ABCG8: variants seen among roughly 807,000 people sequenced by gnomAD.
ABCG8 encodes ATP binding cassette subfamily G member 8.
Under a neutral mutation model 71.3 loss-of-function variants are expected in ABCG8, and 81 were observed. The observed-to-expected ratio is 1.14, with a 90% confidence interval of 0.95 to 1.37. ABCG8 has a LOEUF of 1.37. Among genes scored for constraint, ABCG8 ranks in the 40% most tolerant of loss-of-function variants. The probability of loss-of-function intolerance (pLI) is 0.00; values close to 1 mark genes in which losing one functional copy is unlikely to be tolerated. For synonymous variants in ABCG8, 451 were observed against 354.7 expected (o/e 1.27, Z -3.05); for missense variants, 1,119 against 866.2 (o/e 1.29, Z -3.66).
At chr2:43,851,443 ACTATG>A in intron 3 of ABCG8, 136 bp from the exon 4 acceptor site, 4 of 926,952 alleles carry the variant, frequency 4.3e-6, no homozygotes. Context: ...AGGTCCAGGG[ACTATG>A]CCACCTCTCT....
chr2:43,852,179 C>T (rs1668941185), intron 4 of ABCG8, among the ~76,000 whole-genome samples, 175 bp from the exon 5 acceptor site: 1 of 152,220 alleles, frequency 6.6e-6, no homozygotes. Context: ...CCCCTCGGGA[C>T]CTGTGGAAAG....
At position 43,877,542 on chromosome 2, in the gene ABCG8, C is replaced by A. The variant is rs1366027850; in HGVS notation, c.1757-19C>A. ...GAATATGAGGGACACCTGTGAGTAA[C>A]GCGGCTGTCTGTCTCCAGTGCCCGC... On this transcript the variant is annotated intron_variant, in intron 11 of 12. Coordinates refer to ENST00000272286, the MANE Select transcript of ABCG8 (RefSeq NM_022437.3). 6.2e-7 allele frequency: 1 copy of A among 1,613,268 alleles called. No homozygotes were observed. The highest frequency in any genetic ancestry group is 8.5e-7 in the Non-Finnish European group (1 of 1,179,972).
At chr2:43,868,301 C>T (rs1179279139) in intron 6 of ABCG8, among the ~76,000 whole-genome samples, 1 of 151,872 alleles carries the variant, frequency 6.6e-6, no homozygotes, top group African/African-American at 2.4e-5. Context: ...ATAGAATTCT[C>T]ACCATCTGGA....
In ABCG8 at chr2:43,851,723, C is replaced by A. The variant is rs1325379182; in HGVS notation, c.462C>A (p.His154Gln). ...AGTGTGTGGCCCACGTGCGCCAGCA[C>A]AACCAGCTGCTCCCCAACTTGACTG... ...VRKCVAHVRQ[H>Q]NQLLPNLTVR... Residue 154 changes from histidine (H) to glutamine (Q), a missense_variant, in exon 4 of 13, where the codon CAC becomes CAA. By Grantham distance (24) the His-to-Gln change is conservative. Transcript: ENST00000272286. The A allele has an allele frequency of 9.3e-6, 15 of 1,614,142 alleles. No individual in the cohort carries two copies. The highest frequency in any genetic ancestry group is 1.3e-5 in the African/African-American group (1 of 74,946).
In ABCG8 at chr2:43,865,334, A is replaced by G. The variant is rs371889260; in HGVS notation, c.965-6642A>G. 2.7e-5 allele frequency among the ~76,000 whole-genome samples: 4 copies of G among 148,224 alleles called. No individual in the cohort carries two copies. The East Asian group carries it at 5.8e-4, about 21-fold the overall frequency. ...TAGAACTGTCACTATCTATCTGGAT[A>G]GAATTCTCACCCTCTGGATAGAACT... On this transcript the variant is annotated intron_variant, in intron 6 of 12. Coordinates refer to ENST00000272286, the MANE Select transcript of ABCG8 (RefSeq NM_022437.3).
rs959784506 is a variant in ABCG8 at position 43,882,188 on chromosome 2, T to C, written c.*4275T>C. 1 of 152,244 alleles carries C rather than the reference T, an allele frequency of 6.6e-6. No homozygotes were observed. The highest frequency in any genetic ancestry group is 1.5e-5 in the Non-Finnish European group (1 of 68,032). The allele number at this position is 152,244 out of a possible 1,614,324, so 9.4% of individuals were successfully genotyped here. On this transcript the variant is annotated 3_prime_UTR_variant, in exon 13 of 13. Coordinates refer to ENST00000272286, the MANE Select transcript of ABCG8 (RefSeq NM_022437.3). Reference sequence around the variant, plus strand: ...TCTGCTCTTGTTCCTATAAATAGTATATAAGATGTAATCTTGCCCTGGGTT... The same window carrying C: ...TCTGCTCTTGTTCCTATAAATAGTACATAAGATGTAATCTTGCCCTGGGTT...
intron 3 of ABCG8, 96 bp downstream of exon 3, chr2:43,846,407 A>T: frequency 6.5e-7 from 1 of 1,544,336 alleles, no homozygotes; most frequent in Non-Finnish European, 8.9e-7. Context: ...CTCTTTGCTG[A>T]CTAGTAGAAT....
At position 43,852,814 on chromosome 2, in the gene ABCG8, T is replaced by A. The variant is rs1668974592; in HGVS notation, c.910T>A (p.Phe304Ile). 6.2e-7 allele frequency: 1 copy of A among 1,614,112 alleles called. No individual in the cohort carries two copies. Among genetic ancestry groups the A allele is most frequent in the Non-Finnish European group, 8.5e-7 (1 of 1,180,022 alleles). The change falls in exon 6 of 13, where the codon TTC becomes ATC. Residue 304 changes from phenylalanine to isoleucine, a missense_variant. Coordinates refer to ENST00000272286, the MANE Select transcript of ABCG8 (RefSeq NM_022437.3). ...GGCGGCCCAGCACATGGTCCAGTATTTCACAGCCATCGGCTACCCCTGTCC... is the reference window on the plus strand; with the variant it reads ...GGCGGCCCAGCACATGGTCCAGTATATCACAGCCATCGGCTACCCCTGTCC... ...LGAAQHMVQY[F>I]TAIGYPCPRY...
chr2:43,846,542 C>T, intron 3 of ABCG8: 1 of 560,304 alleles, frequency 1.8e-6, no homozygotes. Flanking sequence ...CGCCTCTTGT[C>T]CACCCGAGGC....
intron 3 of ABCG8, among the ~76,000 whole-genome samples, chr2:43,849,254 T>G (rs1456796519): frequency 6.6e-6 from 1 of 150,646 alleles, no homozygotes; most frequent in Non-Finnish European, 1.5e-5. Flanking sequence ...TGAGACTGGG[T>G]AACTTATAAA....
In ABCG8 at chr2:43,851,574, G is replaced by A. The variant is rs537972938; in HGVS notation, c.323-10G>A. On this transcript the variant is annotated splice_polypyrimidine_tract_variant and intron_variant, in intron 3 of 12. Transcript: ENST00000272286. ...CTCCGCTCTCAGGGATATCCCTGGT[G>A]GCTTTGCAGGTTGTGGGAGAGCCTC... is the stretch of plus-strand genomic sequence containing the variant. The A allele has an allele frequency of 5.0e-6, 8 of 1,614,182 alleles. No individual in the cohort carries two copies. The African/African-American group carries it at 6.7e-5, about 13-fold the overall frequency.
chr2:43,869,972 T>G (rs1340840234), intron 6 of ABCG8, among the ~76,000 whole-genome samples: 1 of 152,106 alleles, frequency 6.6e-6, no homozygotes, highest in Non-Finnish European at 1.5e-5. Context: ...TCTCACTCTG[T>G]GGATAGAACT....
At chr2:43,857,097 G>C (rs955950139) in intron 6 of ABCG8, among the ~76,000 whole-genome samples, 1 of 150,670 alleles carries the variant, frequency 6.6e-6, no homozygotes. Flanking sequence ...CTATCTGTCT[G>C]GTTAGAATTT....
intron 9 of ABCG8, 96 bp from the exon 10 acceptor site, chr2:43,874,311 T>G: frequency 9.1e-7 from 1 of 1,095,288 alleles, no homozygotes; most frequent in Non-Finnish European, 1.4e-6. Flanking sequence ...GGCAATATGA[T>G]AACTACTTTG....
intron 1 of ABCG8, among the ~76,000 whole-genome samples, chr2:43,839,399 T>TTCTC (rs1324993827): frequency 1.5e-5 from 2 of 137,034 alleles, no homozygotes; most frequent in African/African-American, 2.7e-5. Flanking sequence ...TTTTCTTTTC[T>TTCTC]TCTCTTTTTT....
Position 43,844,682 on chromosome 2 carries a change from A to G in ABCG8, c.165+74A>G. On this transcript the variant is annotated intron_variant, in intron 2 of 12. Transcript: ENST00000272286. Reference sequence around the variant, plus strand: ...AGGAAATTCCCCGGGTGGAAATAAAAGGGTGGGCCCAACTTGCAGGCCCTC... The same window carrying G: ...AGGAAATTCCCCGGGTGGAAATAAAGGGGTGGGCCCAACTTGCAGGCCCTC... 1.1e-5 allele frequency: 14 copies of G among 1,236,998 alleles called. No homozygotes were observed. In the South Asian group the frequency reaches 1.6e-4, roughly 14 times the overall value. 76.6% of individuals were successfully genotyped at this position (1,236,998 alleles called of 1,614,324 possible). A position where few individuals can be genotyped will look rare whatever the true frequency, so the allele number is the denominator to read the frequency against.
intron 6 of ABCG8, among the ~76,000 whole-genome samples, chr2:43,864,016 C>T (rs866404780): frequency 6.6e-6 from 1 of 151,352 alleles, no homozygotes; most frequent in African/African-American, 2.4e-5. Flanking sequence ...GTAGAACTCT[C>T]ACTATCTGGA....
chr2:43,868,842 A>T (rs1669639034), intron 6 of ABCG8, among the ~76,000 whole-genome samples: 1 of 151,144 alleles, frequency 6.6e-6, no homozygotes, highest in African/African-American at 2.4e-5. Context: ...CTCACTCTAG[A>T]TAGAACTCTC....
At chr2:43,874,910 G>A (rs965149246) in intron 10 of ABCG8, among the ~76,000 whole-genome samples, 13 of 152,078 alleles carry the variant, frequency 8.5e-5, no homozygotes, top group Admixed American at 6.5e-5. Flanking sequence ...GACAGCAGGT[G>A]CCCATTGCTG....
Sources: allele counts gnomAD v4.1 joint callset (sites outside exome capture counted in the v4.1 genomes callset), GRCh38; gene constraint gnomAD v4.1.1; transcripts MANE v1.5; gene names NCBI Gene and HGNC (gene_info 2026-07-23, HGNC 2026-07-21).